DRG1: variants seen among roughly 807,000 people sequenced by gnomAD.
The protein encoded by DRG1 is developmentally-regulated GTP-binding protein 1.
Under a neutral mutation model 38.8 loss-of-function variants are expected in DRG1, and 19 were observed. That is an observed-to-expected ratio of 0.49 (90% CI 0.34 to 0.72). The LOEUF is 0.72. DRG1 is among the 30% of genes least tolerant of loss of function. The pLI is 0.01. For missense variants in DRG1, 299 were observed against 444.8 expected (o/e 0.67, Z 2.95); for synonymous variants, 167 against 157.5 (o/e 1.06, Z -0.45).
chr22:31,434,207 ATT>A lies in DRG1; in HGVS notation c.*238_*239del. On this transcript the variant is annotated 3_prime_UTR_variant, in exon 9 of 9. Coordinates refer to ENST00000331457, the MANE Select transcript of DRG1 (RefSeq NM_004147.4). ...ATGCAGCTCATGTGTCATTGTCAGA[ATT>A]TGTTTTGGGATGGGCTGAATGAGGA... 6.3e-6 allele frequency: 3 copies of A among 477,192 alleles called. No homozygotes were observed. In the South Asian group the frequency reaches 6.4e-5, roughly 10 times the overall value. 29.6% of individuals were successfully genotyped at this position (477,192 alleles called of 1,614,324 possible).
At chr22:31,404,328 C>T (rs2049978293) in intron 3 of DRG1, among the ~76,000 whole-genome samples, 1 of 151,694 alleles carries the variant, frequency 6.6e-6, no homozygotes, top group African/African-American at 2.4e-5. Flanking sequence ...CAATCTCCGC[C>T]TCCTGGGATC....
intron 4 of DRG1, among the ~76,000 whole-genome samples, chr22:31,413,254 G>A (rs2050027579): frequency 6.6e-6 from 1 of 151,992 alleles, no homozygotes; most frequent in Non-Finnish European, 1.5e-5. Flanking sequence ...ACGCAACACC[G>A]TGTGGGCTAA....
intron 3 of DRG1, among the ~76,000 whole-genome samples, chr22:31,409,504 C>T (rs2050007192): frequency 6.6e-6 from 1 of 152,146 alleles, no homozygotes; most frequent in African/African-American, 2.4e-5. Context: ...GGTTTCAGCT[C>T]TCTACATTTT....
At chr22:31,422,055 G>C (rs1011048270) in intron 5 of DRG1, among the ~76,000 whole-genome samples, 6 of 151,726 alleles carry the variant, frequency 4.0e-5, no homozygotes, top group African/African-American at 7.3e-5. Flanking sequence ...AGGTTGCAGT[G>C]AGCCGAGATG....
At chr22:31,425,839 C>G (rs2050107046) in intron 6 of DRG1, among the ~76,000 whole-genome samples, 1 of 152,116 alleles carries the variant, frequency 6.6e-6, no homozygotes, top group Non-Finnish European at 1.5e-5. Flanking sequence ...TCATTTGTTC[C>G]TGTATGTTGG....
rs1362193619 is a variant in DRG1, at chr22:31,426,653, A to T, written c.752A>T (p.Asp251Val). 6.2e-7 allele frequency: 1 copy of T among 1,613,870 alleles called. No individual in the cohort carries two copies. The highest frequency in any genetic ancestry group is 1.7e-5 in the Admixed American group (1 of 59,958). ...IPCIYVLNKI[D>V]QISIEELDII... is the part of the protein sequence containing the mutation. ...TGTATCTATGTGTTAAATAAGATTGACCAAATCTCCATTGAGGAATTGGAT... is the reference window on the plus strand; with the variant it reads ...TGTATCTATGTGTTAAATAAGATTGTCCAAATCTCCATTGAGGAATTGGAT... The change falls in exon 7 of 9, where the codon GAC becomes GTC. Residue 251 changes from aspartate (D) to valine (V), a missense_variant. Around this residue, in one of 3 missense-constraint regions of DRG1, gnomAD observed 198 missense variants for 268.1 expected, o/e 0.74. Transcript: ENST00000331457.
At chr22:31,404,112 A>C (rs572404731) in intron 3 of DRG1, among the ~76,000 whole-genome samples, 1 of 147,046 alleles carries the variant, frequency 6.8e-6, no homozygotes, top group Non-Finnish European at 1.5e-5. Context: ...GTGTCTTCTG[A>C]CCTTAGAGAC....
Position 31,427,119 on chromosome 22 carries a change from C to T in DRG1, c.941C>T (p.Ser314Phe). The change falls in exon 8 of 9, where the codon TCC (serine) becomes TTC (phenylalanine). Residue 314 changes from serine (S) to phenylalanine (F), a missense_variant. Around this residue, in one of 3 missense-constraint regions of DRG1, gnomAD observed 198 missense variants for 268.1 expected, o/e 0.74. Transcript: ENST00000331457. ...DYTSPVVLPY[S>F]RTTVEDFCMK... ...ACATCCCCAGTGGTGCTTCCTTACT[C>T]CAGGACCACAGTGGAGGATTTCTGC... The T allele has an allele frequency of 6.2e-7, 1 of 1,614,116 alleles. No individual in the cohort carries two copies. The highest frequency in any genetic ancestry group is 1.1e-5 in the South Asian group (1 of 91,084).
chr22:31,433,458 A>G (rs1377584941), intron 8 of DRG1, among the ~76,000 whole-genome samples: 1 of 151,920 alleles, frequency 6.6e-6, no homozygotes, highest in Non-Finnish European at 1.5e-5. Context: ...TTTAGTGGAG[A>G]CGGGGTTTCA....
chr22:31,432,006 C>A (rs9609283), intron 8 of DRG1, among the ~76,000 whole-genome samples: 1 of 149,824 alleles, frequency 6.7e-6, no homozygotes, highest in African/African-American at 2.4e-5. Flanking sequence ...AGAAACATAT[C>A]GAAGCAAACA....
intron 8 of DRG1, among the ~76,000 whole-genome samples, chr22:31,431,938 A>C (rs1364619240): frequency 6.6e-6 from 1 of 152,106 alleles, no homozygotes; most frequent in Non-Finnish European, 1.5e-5. Flanking sequence ...ATTGTTCAAA[A>C]CCTTCAGAAC....
At chr22:31,423,866 T>TC (rs1435861145) in intron 6 of DRG1, among the ~76,000 whole-genome samples, 6 of 78,358 alleles carry the variant, frequency 7.7e-5, no homozygotes, top group Admixed American at 1.6e-4. Flanking sequence ...TTGGTTTCTT[T>TC]TTTTTTTTTT....
intron 8 of DRG1, among the ~76,000 whole-genome samples, chr22:31,430,434 C>G (rs1803618492): frequency 6.7e-6 from 1 of 149,680 alleles, no homozygotes; most frequent in African/African-American, 2.5e-5. Flanking sequence ...GAGTCTCGCT[C>G]TGTCGCCCAG....
rs772901185 is a variant in DRG1 at position 31,426,584 on chromosome 22, C to T, written c.714-31C>T. 4 of 1,586,874 alleles carry T rather than the reference C, an allele frequency of 2.5e-6. No homozygotes were observed. In the Admixed American group the frequency reaches 6.9e-5, roughly 28 times the overall value. ...TGACAGTTCTGTCAACAACTCCAGA[C>T]TAATACCCTGTTTTTCTTCACTTTC... On this transcript the variant is annotated intron_variant, in intron 6 of 8. Coordinates refer to ENST00000331457, the MANE Select transcript of DRG1 (RefSeq NM_004147.4).
At chr22:31,428,960 T>G (rs961659241) in intron 8 of DRG1, among the ~76,000 whole-genome samples, 3 of 152,186 alleles carry the variant, frequency 2.0e-5, no homozygotes, top group African/African-American at 7.2e-5. Flanking sequence ...ATGATAATAT[T>G]CACATTGATT....
In DRG1 at chr22:31,403,191, G is replaced by A; in HGVS notation, c.329G>A (p.Gly110Asp). Residue 110 changes from glycine to aspartate, a missense_variant, in exon 3 of 9, where the codon GGT becomes GAT. Transcript: ENST00000331457. ...GTGCCTGGTGTCATCAGATACAAAG[G>A]TGCCAAGATCCAGGTGAGTCAAGCC... ...TTVPGVIRYK[G>D]AKIQLLDLPG... 1 of 1,609,476 alleles carries A rather than the reference G, an allele frequency of 6.2e-7. No homozygotes were observed. Among genetic ancestry groups the A allele is most frequent in the Non-Finnish European group, 8.5e-7 (1 of 1,178,364 alleles).
At position 31,407,563 on chromosome 22, in the gene DRG1, T is replaced by C. The variant is rs695692; in HGVS notation, c.343-3449T>C. Reference sequence around the variant, plus strand: ...GTTGTCCAGGCTGGTCTTGAACTCCTGCACACAAGCAGTCTACCTGCCTCA... The same window carrying C: ...GTTGTCCAGGCTGGTCTTGAACTCCCGCACACAAGCAGTCTACCTGCCTCA... On this transcript the variant is annotated intron_variant, in intron 3 of 8. Transcript: ENST00000331457. 5.1e-3 allele frequency among the ~76,000 whole-genome samples: 784 copies of C among 152,236 alleles called. 5 individuals carry two copies. The highest frequency in any genetic ancestry group is 0.018 in the African/African-American group (743 of 41,584).
chr22:31,424,488 C>CTTTTTTT (rs398036881), intron 6 of DRG1, among the ~76,000 whole-genome samples: 14 of 71,406 alleles, frequency 2.0e-4, no homozygotes, highest in South Asian at 7.0e-4. Flanking sequence ...GCTTTGGTTT[C>CTTTTTTT]TTTTTTTTTT....
intron 4 of DRG1, among the ~76,000 whole-genome samples, chr22:31,417,452 G>A (rs1484711916): frequency 6.6e-6 from 1 of 151,882 alleles, no homozygotes; most frequent in East Asian, 1.9e-4. Context: ...GGCTGAGGGG[G>A]GTGGATCACT....
Sources: allele counts gnomAD v4.1 joint callset (sites outside exome capture counted in the v4.1 genomes callset), GRCh38; gene constraint gnomAD v4.1.1; regional missense constraint gnomAD v4.1.1; transcripts MANE v1.5; gene names NCBI Gene and HGNC (gene_info 2026-07-23, HGNC 2026-07-21).